The following BLTP1 variants were observed in gnomAD, a reference collection of about 807,000 sequenced individuals.
BLTP1 encodes bridge-like lipid transfer protein family member 1.
chr4:122,304,700 GA>G, the BLTP1 span: 1 of 1,501,792 alleles, frequency 6.7e-7, no homozygotes, highest in Non-Finnish European at 8.9e-7. Context: ...TTTAAAACAC[GA>G]CTATTTTATT....
the BLTP1 span, among the ~76,000 whole-genome samples, chr4:122,321,260 A>C: frequency 1.3e-5 from 2 of 152,008 alleles, no homozygotes; most frequent in African/African-American, 4.8e-5. Flanking sequence ...AATTAATCCA[A>C]GTCTACTTTC....
the BLTP1 span, among the ~76,000 whole-genome samples, chr4:122,323,661 A>C: frequency 1.3e-5 from 2 of 152,078 alleles, no homozygotes; most frequent in Non-Finnish European, 2.9e-5. Flanking sequence ...CTCTGATAGT[A>C]ATAATGGATA....
At chr4:122,343,225 G>C in the BLTP1 span, 4 of 334,902 alleles carry the variant, frequency 1.2e-5, no homozygotes, top group Non-Finnish European at 1.7e-5. Flanking sequence ...TAAATTAATT[G>C]GAAAATACAT....
chr4:122,244,532 A>T, the BLTP1 span: 2 of 337,666 alleles, frequency 5.9e-6, no homozygotes, highest in Admixed American at 1.3e-4. Context: ...ATATAATAAT[A>T]TTACAATAAT....
the BLTP1 span, chr4:122,187,920 A>T: frequency 2.5e-6 from 4 of 1,584,304 alleles, no homozygotes; most frequent in South Asian, 4.8e-5. Context: ...GGAAATCACT[A>T]CCAGCCGCAA....
chr4:122,359,682 G>T, the BLTP1 span: 1 of 1,612,008 alleles, frequency 6.2e-7, no homozygotes, highest in South Asian at 1.1e-5. Flanking sequence ...GGACTGGAGA[G>T]ATTTTATGTG....
the BLTP1 span, among the ~76,000 whole-genome samples, chr4:122,284,578 G>T: frequency 1.3e-5 from 2 of 151,928 alleles, no homozygotes; most frequent in Admixed American, 1.3e-4. Flanking sequence ...ACATATTTAT[G>T]TAAGTATGTG....
chr4:122,199,545 A>G, the BLTP1 span: 3 of 1,061,062 alleles, frequency 2.8e-6, no homozygotes, highest in South Asian at 4.6e-5. Context: ...GAAATCATCA[A>G]ATGGTCCATC....
chr4:122,181,702 C>T, the BLTP1 span, among the ~76,000 whole-genome samples: 4 of 150,802 alleles, frequency 2.7e-5, no homozygotes, highest in South Asian at 4.2e-4. Context: ...AATGGTAGAC[C>T]GATAATGTAC....
the BLTP1 span, chr4:122,250,031 A>G: frequency 4.3e-6 from 4 of 924,968 alleles, no homozygotes; most frequent in Non-Finnish European, 3.9e-6. Flanking sequence ...TAAAAACTGT[A>G]AATTCTTTAT....
chr4:122,191,986 A>G, the BLTP1 span, among the ~76,000 whole-genome samples: 9 of 152,110 alleles, frequency 5.9e-5, no homozygotes, highest in Non-Finnish European at 1.0e-4. Context: ...ATTACATTAA[A>G]TATTTTATGT....
the BLTP1 span, among the ~76,000 whole-genome samples, chr4:122,329,226 T>C: frequency 5.7e-4 from 86 of 151,874 alleles, no homozygotes; most frequent in Middle Eastern, 3.4e-3. Context: ...GTGTTTATTA[T>C]TGAGTTGGGA....
chr4:122,274,721 GCT>G, the BLTP1 span: 3 of 715,526 alleles, frequency 4.2e-6, no homozygotes, highest in African/African-American at 5.8e-5. Context: ...TTCAGAATTT[GCT>G]CTTTCTTAAT....
the BLTP1 span, chr4:122,261,403 A>G: frequency 4.1e-6 from 4 of 985,298 alleles, no homozygotes; most frequent in Non-Finnish European, 4.8e-6. Context: ...GAAATTCCAA[A>G]TGCTTAGTTT....
chr4:122,162,030 G>T, the BLTP1 span, among the ~76,000 whole-genome samples: 1 of 152,102 alleles, frequency 6.6e-6, no homozygotes, highest in Admixed American at 6.5e-5. Context: ...TAAGAGACAG[G>T]TTGTCATTCA....
the BLTP1 span, among the ~76,000 whole-genome samples, chr4:122,317,843 T>C: frequency 1.3e-5 from 2 of 152,194 alleles, no homozygotes; most frequent in African/African-American, 2.4e-5. Flanking sequence ...CCAAGGCTTA[T>C]ATTATATGTA....
the BLTP1 span, chr4:122,349,162 A>C: frequency 6.2e-7 from 1 of 1,603,438 alleles, no homozygotes; most frequent in Non-Finnish European, 8.5e-7. This position sits in a 1 kb window ranked among gnomAD's most constrained non-coding sequence, Gnocchi z 4.5. Context: ...TTTTAGTTGG[A>C]CAACTAGTGG....
chr4:122,227,202 G>A, the BLTP1 span: 1 of 1,006,302 alleles, frequency 9.9e-7, no homozygotes, highest in Admixed American at 5.9e-5. Flanking sequence ...GACATGGTTT[G>A]CAGACCACTC....
the BLTP1 span, chr4:122,249,911 A>G: frequency 2.0e-6 from 2 of 984,630 alleles, no homozygotes; most frequent in Non-Finnish European, 1.2e-6. Context: ...AAACAACAAT[A>G]TGTTTTTCCG....
Sources: allele counts gnomAD v4.1 joint callset (sites outside exome capture counted in the v4.1 genomes callset), GRCh38; gene constraint gnomAD v4.1.1; non-coding constraint Gnocchi (gnomAD v3.1); transcripts MANE v1.5; gene names NCBI Gene and HGNC (gene_info 2026-07-23, HGNC 2026-07-21).